Variants in LRRFIP1 observed in about 807,000 individuals in gnomAD.
LRRFIP1 encodes LRR binding FLII interacting protein 1.
LRRFIP1 carries 62 observed loss-of-function variants against 104.4 expected under a neutral mutation model. That is an observed-to-expected ratio of 0.59 (90% CI 0.48 to 0.73). The LOEUF (loss-of-function observed/expected upper bound fraction) is 0.73. LRRFIP1 is among the 30% of genes least tolerant of loss of function. The pLI is 0.00. For synonymous variants in LRRFIP1, 300 were observed against 299.0 expected, an observed-to-expected ratio of 1.00 and a Z score of -0.03; for missense variants, 796 against 824.5, an observed-to-expected ratio of 0.97 and a Z score of 0.42.
intron 1 of LRRFIP1, among the ~76,000 whole-genome samples, chr2:237,632,767 C>A (rs1435446729): frequency 8.0e-6 from 1 of 125,010 alleles, no homozygotes; most frequent in Admixed American, 8.3e-5. Context: ...CCTGACCTGG[C>A]TCCTCTGGGG....
At chr2:237,638,091 T>G (rs1390533969) in intron 1 of LRRFIP1, among the ~76,000 whole-genome samples, 1 of 152,134 alleles carries the variant, frequency 6.6e-6, no homozygotes, top group Non-Finnish European at 1.5e-5. Flanking sequence ...CACATTACAT[T>G]TATTGTGCAC....
At chr2:237,690,360 T>C (rs1344974341) in intron 1 of LRRFIP1, among the ~76,000 whole-genome samples, 2 of 152,218 alleles carry the variant, frequency 1.3e-5, no homozygotes, top group African/African-American at 4.8e-5. Context: ...TGACCACTGG[T>C]AAAAGTCTAA....
At chr2:237,727,083 C>T (rs184506972) in intron 7 of LRRFIP1, among the ~76,000 whole-genome samples, 174 of 152,280 alleles carry the variant, frequency 1.1e-3, no homozygotes, top group African/African-American at 4.1e-3. Flanking sequence ...TGAGGCCGGG[C>T]GCGATGGCTC....
intron 10 of LRRFIP1, among the ~76,000 whole-genome samples, chr2:237,737,454 G>A (rs1415075848): frequency 2.0e-5 from 3 of 152,240 alleles, no homozygotes; most frequent in Non-Finnish European, 4.4e-5. Context: ...CACGTGGACC[G>A]TGGCGATATA....
chr2:237,657,498 A>C (rs997148299), intron 1 of LRRFIP1, among the ~76,000 whole-genome samples: 5 of 152,204 alleles, frequency 3.3e-5, no homozygotes, highest in African/African-American at 1.2e-4. Flanking sequence ...AAAAAACAAC[A>C]ACAACAACAA....
chr2:237,716,336 A>G (rs2094330563), intron 3 of LRRFIP1, among the ~76,000 whole-genome samples: 1 of 152,248 alleles, frequency 6.6e-6, no homozygotes. Context: ...TTTATATTCC[A>G]AGGGAATAAC....
intron 1 of LRRFIP1, among the ~76,000 whole-genome samples, chr2:237,657,230 C>T (rs569921794): frequency 6.6e-6 from 1 of 152,164 alleles, no homozygotes; most frequent in East Asian, 1.9e-4. Flanking sequence ...CAAAATGAAA[C>T]AGAAATAAAG....
chr2:237,700,867 G>C (rs115910825), intron 1 of LRRFIP1, among the ~76,000 whole-genome samples: 1 of 152,194 alleles, frequency 6.6e-6, no homozygotes, highest in Non-Finnish European at 1.5e-5. Flanking sequence ...GGCCTTCTCA[G>C]CCTGGGTGGA....
intron 3 of LRRFIP1, among the ~76,000 whole-genome samples, chr2:237,716,581 G>A (rs2094339432): frequency 6.6e-6 from 1 of 152,148 alleles, no homozygotes; most frequent in South Asian, 2.1e-4. Flanking sequence ...CATAGCAACA[G>A]CATGTTTTTG....
chr2:237,774,565 G>A, intron 23 of LRRFIP1, 103 bp downstream of exon 23: 2 of 774,912 alleles, frequency 2.6e-6, no homozygotes, highest in Non-Finnish European at 4.3e-6. Flanking sequence ...CCCCTGGGCT[G>A]GTCATTGTCA....
chr2:237,659,591 T>C (rs2149451148), intron 1 of LRRFIP1, among the ~76,000 whole-genome samples: 1 of 148,178 alleles, frequency 6.7e-6, no homozygotes, highest in East Asian at 1.9e-4. Flanking sequence ...ATTTATATTA[T>C]ATATGTTTAT....
At chr2:237,747,015 A>G (rs1428131849) in intron 11 of LRRFIP1, among the ~76,000 whole-genome samples, 1 of 152,236 alleles carries the variant, frequency 6.6e-6, no homozygotes, top group African/African-American at 2.4e-5. Flanking sequence ...GAGACTGGTT[A>G]GATGAGAGTA....
chr2:237,719,809 T>TTA (rs1297210716), intron 5 of LRRFIP1, among the ~76,000 whole-genome samples: 3 of 152,182 alleles, frequency 2.0e-5, no homozygotes, highest in African/African-American at 7.2e-5. Flanking sequence ...TTTTTCAGTA[T>TTA]TAATATATTC....
intron 17 of LRRFIP1, among the ~76,000 whole-genome samples, chr2:237,758,386 A>G (rs1276587459): frequency 6.6e-6 from 1 of 152,190 alleles, no homozygotes; most frequent in Non-Finnish European, 1.5e-5. Flanking sequence ...CTGACCCCTC[A>G]TTCAAGTGGA....
In LRRFIP1 at chr2:237,703,478, C is replaced by T. The variant is rs1005361732; in HGVS notation, c.97-5066C>T. 7.9e-5 allele frequency among the ~76,000 whole-genome samples: 12 copies of T among 152,148 alleles called. No homozygotes were observed. Among genetic ancestry groups the T allele is most frequent in the South Asian group, 2.1e-4 (1 of 4,830 alleles). ...TCAGTGGTTCTGAATTCTTTCAAGA[C>T]GAGGTTCCAGATACGGAGGCTGAGG... On this transcript the variant is annotated intron_variant, in intron 1 of 23. Coordinates refer to ENST00000308482, the MANE Select transcript of LRRFIP1 (RefSeq NM_001137550.2). This position sits in a 1 kb window ranked among gnomAD's most constrained non-coding sequence, Gnocchi z 4.3.
At chr2:237,750,893 AATTACTAAATAGGAGT>A (rs1278242106) in intron 13 of LRRFIP1, among the ~76,000 whole-genome samples, 1 of 152,180 alleles carries the variant, frequency 6.6e-6, no homozygotes, top group Admixed American at 6.5e-5. Flanking sequence ...TGCTTGAATG[AATTACTAAATAGGAGT>A]TGAAATAACC....
intron 22 of LRRFIP1, among the ~76,000 whole-genome samples, chr2:237,773,554 A>T (rs1474393772): frequency 6.6e-6 from 1 of 152,178 alleles, no homozygotes; most frequent in African/African-American, 2.4e-5. Context: ...AATAAAATAA[A>T]TAAATAAATA....
chr2:237,666,163 ACTGGCACACAGCACTCGGCACAGTGC>A (rs1336570723), intron 1 of LRRFIP1, among the ~76,000 whole-genome samples: 1 of 152,240 alleles, frequency 6.6e-6, no homozygotes, highest in Non-Finnish European at 1.5e-5. Context: ...TAATAAGAGA[ACTGGCACACAGCACTCGGCACAGTGC>A]CTGGCACATG....
At chr2:237,733,483 A>C (rs888595991) in intron 8 of LRRFIP1, among the ~76,000 whole-genome samples, 5 of 152,014 alleles carry the variant, frequency 3.3e-5, no homozygotes, top group African/African-American at 1.2e-4. Context: ...TCATCCCCTG[A>C]CCCTTTCTTC....
Sources: gnomAD v4.1 joint callset for allele counts (sites outside exome capture counted in the v4.1 genomes callset) on GRCh38, gnomAD v4.1.1 for gene constraint, Gnocchi (gnomAD v3.1) non-coding constraint, MANE v1.5 for transcripts, NCBI Gene and HGNC (gene_info 2026-07-23, HGNC 2026-07-21) for gene names.